Variants in TENM2 observed in about 807,000 individuals in gnomAD.
The protein encoded by TENM2 is teneurin transmembrane protein 2, also known as teneurin-2.
TENM2 carries 52 observed loss-of-function variants against 245.2 expected under a neutral mutation model. That is an observed-to-expected ratio of 0.21 (90% CI 0.17 to 0.27). The LOEUF (loss-of-function observed/expected upper bound fraction) is 0.27. TENM2 is among the 10% of genes least tolerant of loss of function. The pLI is 1.00. For missense variants in TENM2, 3,046 were observed against 3,666.8 expected (o/e 0.83, Z 4.37); for synonymous variants, 1,363 against 1,438.9 (o/e 0.95, Z 1.19).
At chr5:167,374,708 T>A (rs1217500231) in intron 1 of TENM2, among the ~76,000 whole-genome samples, 1 of 152,068 alleles carries the variant, frequency 6.6e-6, no homozygotes, top group East Asian at 1.9e-4. Flanking sequence ...CAGATCCAGG[T>A]ATTGCGACCA....
intron 24 of TENM2, among the ~76,000 whole-genome samples, chr5:168,226,987 ACT>A (rs560399746): frequency 2.0e-5 from 3 of 151,986 alleles, no homozygotes; most frequent in African/African-American, 4.8e-5. Flanking sequence ...TGTTTCAATG[ACT>A]CTATTTCTGC....
chr5:167,109,569 A>T, the TENM2 span, among the ~76,000 whole-genome samples: 1 of 152,216 alleles, frequency 6.6e-6, no homozygotes, highest in Non-Finnish European at 1.5e-5. Flanking sequence ...ATAAAAGTGA[A>T]TGGAACATCC....
intron 2 of TENM2, among the ~76,000 whole-genome samples, chr5:167,535,987 C>A (rs567529520): frequency 6.6e-6 from 1 of 152,082 alleles, no homozygotes; most frequent in Non-Finnish European, 1.5e-5. Flanking sequence ...GCCAAGCAGT[C>A]TACATGGTTG....
In TENM2 at chr5:168,247,714, G is replaced by A; in HGVS notation, c.6775G>A (p.Asp2259Asn). The A allele has an allele frequency of 6.2e-7, 1 of 1,613,884 alleles. No individual in the cohort carries two copies. Among genetic ancestry groups the A allele is most frequent in the Non-Finnish European group, 8.5e-7 (1 of 1,179,898 alleles). The change falls in exon 27 of 29, where the codon GAT becomes AAT. Residue 2259 changes from aspartate (D) to asparagine (N), a missense_variant. Asp to Asn is a conservative substitution (Grantham distance 23). This residue lies in a region of TENM2 where 2,704 missense variants were observed against 3,331.9 expected (regional missense o/e 0.81). Transcript: ENST00000518659. This position sits in a 1 kb window ranked among gnomAD's most constrained non-coding sequence, Gnocchi z 7.8. ...CCGGGATCGGATAACCAGACTCGGG[G>A]ATGTGCAGTACAAAATTGACGACGA...
intron 12 of TENM2, among the ~76,000 whole-genome samples, chr5:168,155,214 G>A (rs1581472013): frequency 6.6e-6 from 1 of 152,092 alleles, no homozygotes; most frequent in East Asian, 1.9e-4. Context: ...TGAACCCCTG[G>A]TGATCCCCGA....
chr5:167,939,758 T>C (rs1253976119), intron 3 of TENM2, among the ~76,000 whole-genome samples: 2 of 152,232 alleles, frequency 1.3e-5, no homozygotes, highest in Non-Finnish European at 2.9e-5. Context: ...TAGCAAATCA[T>C]CCTCTTTCTG....
intron 2 of TENM2, among the ~76,000 whole-genome samples, chr5:167,771,422 C>A (rs560338524): frequency 6.6e-6 from 1 of 152,006 alleles, no homozygotes; most frequent in Non-Finnish European, 1.5e-5. Context: ...CAAAGCTACC[C>A]CAGTATCTTA....
At chr5:168,222,729 C>T (rs1409939697) in intron 23 of TENM2, among the ~76,000 whole-genome samples, 1 of 152,204 alleles carries the variant, frequency 6.6e-6, no homozygotes, top group East Asian at 1.9e-4. Context: ...TATACTCTCT[C>T]CTTCTCCACT....
Position 167,436,887 on chromosome 5 carries a change from G to A in TENM2, c.502+61414G>A, listed in dbSNP as rs148618362. On this transcript the variant is annotated intron_variant, in intron 2 of 28. Coordinates refer to ENST00000518659, the Ensembl canonical transcript of TENM2. ...CAAGAATTGAGGTTTGGGAACCTCC[G>A]CCTACATTTCAGAAGATGTATGGAA... Among the ~76,000 whole-genome samples, 1,065 of 152,322 alleles carry A rather than the reference G, an allele frequency of 7.0e-3. 10 individuals are homozygous for A. The highest frequency in any genetic ancestry group is 0.022 in the Admixed American group (337 of 15,304).
chr5:168,042,181 C>T (rs778237775), intron 5 of TENM2, among the ~76,000 whole-genome samples: 3 of 152,108 alleles, frequency 2.0e-5, no homozygotes, highest in African/African-American at 4.8e-5. Context: ...GCATGCTGAG[C>T]CCCAAGACCC....
chr5:167,567,860 C>T (rs751673215), intron 2 of TENM2, among the ~76,000 whole-genome samples: 1 of 151,842 alleles, frequency 6.6e-6, no homozygotes, highest in Non-Finnish European at 1.5e-5. Context: ...ACATAATTTC[C>T]GAATGACAGA....
the TENM2 span, among the ~76,000 whole-genome samples, chr5:167,030,068 C>T: frequency 2.0e-5 from 3 of 152,280 alleles, no homozygotes; most frequent in African/African-American, 7.2e-5. Flanking sequence ...CGTCAGGGGT[C>T]GACCAAACAT....
In TENM2 at chr5:167,321,800, T is replaced by TTTTTTTTGTTC. The variant is rs1467480814; in HGVS notation, c.226+36738_226+36739insTTTTTTGTTCT. On this transcript the variant is annotated intron_variant, in intron 1 of 28. Coordinates refer to ENST00000518659, the Ensembl canonical transcript of TENM2. ...GCCTTGGCTTATTTTTTTTTTTTTT[T>TTTTTTTTGTTC]TGGGGGGGGGGGCGGGGGGGGGGGT... Among the ~76,000 whole-genome samples the TTTTTTTTGTTC allele has an allele frequency of 1.6e-4, 2 of 12,144 alleles. 1 individual carries two copies. The highest frequency in any genetic ancestry group is 1.8e-3 in the Admixed American group (2 of 1,108). 8.0% of individuals were successfully genotyped at this position (12,144 alleles called of 152,430 possible).
At chr5:167,100,431 G>A in the TENM2 span, among the ~76,000 whole-genome samples, 1 of 152,138 alleles carries the variant, frequency 6.6e-6, no homozygotes, top group Admixed American at 6.6e-5. Flanking sequence ...CGTGTTTGTT[G>A]TGACTGCCTC....
chr5:167,787,213 C>G (rs1473420115), intron 2 of TENM2, among the ~76,000 whole-genome samples: 3 of 144,828 alleles, frequency 2.1e-5, no homozygotes, highest in African/African-American at 7.7e-5. Context: ...GGCCTGATCT[C>G]CATCAGAGCA....
rs113238253 is a variant in TENM2, at chr5:167,650,038, A to T, written c.503-225948A>T. The stretch of plus-strand genomic sequence containing the variant: ...TCTTCCCACCTCCACTTTGGAAGAT[A>T]GACAGCCTGTACCTCAAAGAGTTTT... On this transcript the variant is annotated intron_variant, in intron 2 of 28. Transcript: ENST00000518659. 5.3e-5 allele frequency among the ~76,000 whole-genome samples: 8 copies of T among 152,336 alleles called. 1 individual carries two copies. The highest frequency in any genetic ancestry group is 1.9e-4 in the African/African-American group (8 of 41,586).
intron 2 of TENM2, among the ~76,000 whole-genome samples, chr5:167,726,873 C>T (rs1020541193): frequency 5.9e-5 from 9 of 152,122 alleles, no homozygotes; most frequent in African/African-American, 2.2e-4. Context: ...TTCCTCAACT[C>T]CCCTAGCTTT....
chr5:167,618,139 T>C (rs1230819645), intron 2 of TENM2, among the ~76,000 whole-genome samples: 1 of 152,144 alleles, frequency 6.6e-6, no homozygotes, highest in Non-Finnish European at 1.5e-5. Flanking sequence ...ATGGTGATAA[T>C]AATGGTTATC....
chr5:168,034,075 A>G (rs1338779579), intron 5 of TENM2, among the ~76,000 whole-genome samples: 2 of 118,862 alleles, frequency 1.7e-5, no homozygotes, highest in Non-Finnish European at 3.8e-5. Context: ...GTGTATATAT[A>G]TGTATACATA....
Sources: allele counts gnomAD v4.1 joint callset (sites outside exome capture counted in the v4.1 genomes callset), GRCh38; gene constraint gnomAD v4.1.1; regional missense constraint gnomAD v4.1.1; non-coding constraint Gnocchi (gnomAD v3.1); transcripts MANE v1.5; gene names NCBI Gene and HGNC (gene_info 2026-07-23, HGNC 2026-07-21).